Variants in ZFHX3 observed in about 807,000 individuals in gnomAD.
ZFHX3 encodes zinc finger homeobox 3.
A neutral mutation model predicts 279.1 loss-of-function variants in ZFHX3; 42 were observed. The ratio of observed to expected loss-of-function variants is 0.15; its 90% CI spans 0.12 to 0.19. ZFHX3 has a LOEUF of 0.19. Ranked by LOEUF, ZFHX3 falls within the 10% of genes least tolerant of loss-of-function variation. The probability of loss-of-function intolerance (pLI) is 1.00; values close to 1 mark genes in which losing one functional copy is unlikely to be tolerated. For synonymous variants in ZFHX3, 2,293 were observed against 1,957.8 expected (o/e 1.17, Z -4.52); for missense variants, 4,981 against 4,754.0 (o/e 1.05, Z -1.40).
At chr16:73,588,362 T>A (rs143317762) in intron 2 of ZFHX3, among the ~76,000 whole-genome samples, 86 of 150,990 alleles carry the variant, frequency 5.7e-4, no homozygotes, top group African/African-American at 2.0e-3. Flanking sequence ...AAGCTTGGAG[T>A]TTTAGATCTA....
chr16:72,944,391 T>C (rs1054269986), intron 3 of ZFHX3, among the ~76,000 whole-genome samples: 4 of 152,206 alleles, frequency 2.6e-5, no homozygotes, highest in African/African-American at 9.7e-5. Context: ...TGCATTTTCA[T>C]CTACAGAAGC....
At chr16:72,806,261 C>T (rs1014552743) in intron 7 of ZFHX3, among the ~76,000 whole-genome samples, 2 of 152,134 alleles carry the variant, frequency 1.3e-5, no homozygotes, top group Non-Finnish European at 1.5e-5. Context: ...TTCATGTAGG[C>T]TGGAAACAAA....
chr16:73,709,822 T>C (rs1048902043), intron 1 of ZFHX3, among the ~76,000 whole-genome samples: 1 of 152,180 alleles, frequency 6.6e-6, no homozygotes, highest in Non-Finnish European at 1.5e-5. Context: ...ACACCTATGT[T>C]ATTAGGTCAA....
chr16:72,787,743 A>ACTG lies in ZFHX3; in HGVS notation c.10532_10533insCAG (p.Gly3511_Gly3512insSer). ...CACCGCCGCCGCCGCCGCCACTGCC[A>ACTG]CCGCCGCCGCCGCCGGTGGGGACGT... is the stretch of plus-strand genomic sequence containing the variant. On this transcript the variant is annotated inframe_insertion, in exon 10 of 10. Coordinates refer to ENST00000268489, the MANE Select transcript of ZFHX3 (RefSeq NM_006885.4). The ACTG allele has an allele frequency of 1.6e-5, 22 of 1,376,160 alleles. No individual in the cohort carries two copies. Among genetic ancestry groups the ACTG allele is most frequent in the Non-Finnish European group, 2.0e-5 (21 of 1,052,082 alleles). The allele number at this position is 1,376,160 out of a possible 1,614,324, so 85.2% of individuals were successfully genotyped here.
At chr16:72,994,501 G>A (rs980805678) in intron 1 of ZFHX3, among the ~76,000 whole-genome samples, 1 of 152,164 alleles carries the variant, frequency 6.6e-6, no homozygotes, top group Non-Finnish European at 1.5e-5. Context: ...TGCATTAACA[G>A]AACCTCAAAC....
intron 7 of ZFHX3, 102 bp downstream of exon 7, chr16:72,811,475 T>C: frequency 1.6e-6 from 2 of 1,245,490 alleles, no homozygotes; most frequent in South Asian, 3.2e-5. Context: ...TTTCCAACTC[T>C]ACACTGACTT....
chr16:73,182,195 G>A (rs542398184), intron 5 of ZFHX3, among the ~76,000 whole-genome samples: 379 of 152,346 alleles, frequency 2.5e-3, no homozygotes, highest in Admixed American at 6.9e-3. Flanking sequence ...GGTGGCTCAC[G>A]CCTGTAATCC....
chr16:72,862,497 T>C (rs1451154962), intron 4 of ZFHX3, among the ~76,000 whole-genome samples: 1 of 152,160 alleles, frequency 6.6e-6, no homozygotes, highest in Non-Finnish European at 1.5e-5. Flanking sequence ...GAAGAAATAA[T>C]AGAATGAGAA....
At chr16:72,918,416 A>G (rs1220990344) in intron 3 of ZFHX3, among the ~76,000 whole-genome samples, 2 of 152,196 alleles carry the variant, frequency 1.3e-5, no homozygotes, top group Non-Finnish European at 2.9e-5. Flanking sequence ...ATTATGATGG[A>G]AAAAATAGTG....
At chr16:72,870,856 A>G (rs955086287) in intron 4 of ZFHX3, among the ~76,000 whole-genome samples, 5 of 152,192 alleles carry the variant, frequency 3.3e-5, no homozygotes, top group African/African-American at 1.2e-4. Context: ...TTTTATAGCA[A>G]TGTTAGTTCT....
chr16:73,567,269 G>A (rs1029698490), intron 2 of ZFHX3, among the ~76,000 whole-genome samples: 4 of 151,534 alleles, frequency 2.6e-5, no homozygotes, highest in Non-Finnish European at 4.4e-5. Context: ...ATCTGCAAAG[G>A]CCGTATATCC....
At chr16:72,803,682 T>G (rs994330512) in intron 7 of ZFHX3, among the ~76,000 whole-genome samples, 2 of 152,244 alleles carry the variant, frequency 1.3e-5, no homozygotes, top group African/African-American at 4.8e-5. Flanking sequence ...ACTTTCTACA[T>G]TGAATGTACC....
chr16:73,257,920 GAATA>G (rs1423897663), intron 4 of ZFHX3, among the ~76,000 whole-genome samples: 1 of 152,174 alleles, frequency 6.6e-6, no homozygotes, highest in African/African-American at 2.4e-5. Flanking sequence ...ACTTGTGACT[GAATA>G]AATATTTTTT....
intron 4 of ZFHX3, among the ~76,000 whole-genome samples, chr16:73,295,978 G>A (rs1206434612): frequency 6.6e-6 from 1 of 152,168 alleles, no homozygotes; most frequent in East Asian, 1.9e-4. Flanking sequence ...CCCAGCCACT[G>A]TTGGCTCCCT....
intron 2 of ZFHX3, among the ~76,000 whole-genome samples, chr16:73,529,055 C>T (rs891425555): frequency 6.6e-6 from 1 of 152,172 alleles, no homozygotes; most frequent in African/African-American, 2.4e-5. Flanking sequence ...GGTCACACAG[C>T]ATAAATACAT....
intron 5 of ZFHX3, among the ~76,000 whole-genome samples, chr16:73,183,936 TA>T (rs1238317608): frequency 2.0e-5 from 3 of 152,054 alleles, no homozygotes; most frequent in Non-Finnish European, 4.4e-5. Context: ...CCCTTTAAAT[TA>T]AAAACAGTTG....
At chr16:73,511,258 C>G (rs1007633765) in intron 2 of ZFHX3, among the ~76,000 whole-genome samples, 2 of 152,222 alleles carry the variant, frequency 1.3e-5, no homozygotes, top group Admixed American at 6.5e-5. Flanking sequence ...ACTCAACAAT[C>G]CACCCTGGCA....
chr16:73,439,909 C>CAAAAAGAA (rs2018057559), intron 3 of ZFHX3, among the ~76,000 whole-genome samples: 1 of 75,446 alleles, frequency 1.3e-5, no homozygotes, highest in Non-Finnish European at 2.2e-5. Context: ...GGGAGAGGGA[C>CAAAAAGAA]AAAAAAAAAA....
At chr16:73,542,183 G>A (rs780692709) in intron 2 of ZFHX3, among the ~76,000 whole-genome samples, 4 of 151,266 alleles carry the variant, frequency 2.6e-5, no homozygotes, top group African/African-American at 4.8e-5. Context: ...TGCAGAAAGC[G>A]TTTTTCTCCC....
Sources: gnomAD v4.1 joint callset for allele counts (sites outside exome capture counted in the v4.1 genomes callset) on GRCh38, gnomAD v4.1.1 for gene constraint, MANE v1.5 for transcripts, NCBI Gene and HGNC (gene_info 2026-07-23, HGNC 2026-07-21) for gene names.